NFILZ: variants seen among roughly 807,000 people sequenced by gnomAD.
NFILZ encodes the protein NFIL3 like protein.
At chr19:8,635,472 C>G (rs1393514372) in intron 2 of NFILZ, among the ~76,000 whole-genome samples, 178 bp from the exon 3 acceptor site, 1 of 152,062 alleles carries the variant, frequency 6.6e-6, no homozygotes, top group Non-Finnish European at 1.5e-5. Flanking sequence ...CTGCCTTTTC[C>G]CAGGATATTA....
chr19:8,662,961 T>A (rs1555749306), intron 3 of NFILZ, among the ~76,000 whole-genome samples: 1 of 150,524 alleles, frequency 6.6e-6, no homozygotes, highest in Non-Finnish European at 1.5e-5. Context: ...CTTTTTTTTT[T>A]TTAAGAGACA....
chr19:8,634,821 A>G (rs1414121479), intron 2 of NFILZ, among the ~76,000 whole-genome samples: 1 of 152,136 alleles, frequency 6.6e-6, no homozygotes, highest in Non-Finnish European at 1.5e-5. Flanking sequence ...TCGAGGCTGC[A>G]TCAAGCCAAG....
At chr19:8,642,953 CTTTT>C (rs35200818) in intron 3 of NFILZ, among the ~76,000 whole-genome samples, 1 of 139,358 alleles carries the variant, frequency 7.2e-6, no homozygotes, top group Non-Finnish European at 1.5e-5. Context: ...GATTTTGACT[CTTTT>C]TTTTTTTTTT....
At chr19:8,651,575 AG>A (rs1555747728) in intron 3 of NFILZ, among the ~76,000 whole-genome samples, 2 of 152,156 alleles carry the variant, frequency 1.3e-5, no homozygotes, top group African/African-American at 4.8e-5. Context: ...TCTGTTGCTC[AG>A]GCTGGAGTGC....
At position 8,656,306 on chromosome 19, in the gene NFILZ, C is replaced by CCCACCTTCTCTCTGA. The variant is rs2042995032; in HGVS notation, c.-163-18245_-163-18244insCCACCTTCTCTCTGA. Among the ~76,000 whole-genome samples, 76 of 34,232 alleles carry CCCACCTTCTCTCTGA rather than the reference C, an allele frequency of 2.2e-3. 4 individuals are homozygous for CCCACCTTCTCTCTGA. Among genetic ancestry groups the CCCACCTTCTCTCTGA allele is most frequent in the Admixed American group, 4.5e-3 (14 of 3,084 alleles). The allele number at this position is 34,232 out of a possible 152,430, so 22.5% of individuals were successfully genotyped here. The stretch of plus-strand genomic sequence containing the variant: ...TCTCCCCACAGCCCACCTCCTCCCG[C>CCCACCTTCTCTCTGA]AGCGCACCTCCTCCCTGAAGCCCCC... On this transcript the variant is annotated intron_variant, in intron 3 of 5. Coordinates refer to ENST00000691075, the MANE Select transcript of NFILZ (RefSeq NM_001378600.1).
At chr19:8,656,281 TCTCCCCACAGCCCACCTC>T (rs1348893445) in intron 3 of NFILZ, among the ~76,000 whole-genome samples, 2 of 53,488 alleles carry the variant, frequency 3.7e-5, no homozygotes, top group African/African-American at 1.1e-4. Flanking sequence ...AAGCCCACCT[TCTCCCCACAGCCCACCTC>T]CTCCCGCAGC....
At chr19:8,671,718 G>GC (rs2146171684) in intron 3 of NFILZ, among the ~76,000 whole-genome samples, 1 of 152,216 alleles carries the variant, frequency 6.6e-6, no homozygotes, top group Non-Finnish European at 1.5e-5. Flanking sequence ...CTAGATGCTG[G>GC]CCCCAGAGCT....
intron 3 of NFILZ, among the ~76,000 whole-genome samples, chr19:8,660,611 C>T (rs1600149980): frequency 7.6e-6 from 1 of 131,084 alleles, no homozygotes; most frequent in African/African-American, 2.9e-5. Flanking sequence ...CTCCTTCCTT[C>T]TCTCCTTCCC....
chr19:8,641,842 T>G (rs896042313), intron 3 of NFILZ, among the ~76,000 whole-genome samples: 2 of 147,166 alleles, frequency 1.4e-5, no homozygotes, highest in South Asian at 2.1e-4. Context: ...TTTTTTTTTT[T>G]AGAGAGAGCT....
At chr19:8,659,177 G>A (rs1555748778) in intron 3 of NFILZ, among the ~76,000 whole-genome samples, 1 of 151,376 alleles carries the variant, frequency 6.6e-6, no homozygotes, top group Non-Finnish European at 1.5e-5. Context: ...CACCTGAGAA[G>A]GCGGAGATGG....
rs74178118 is a variant in NFILZ, at chr19:8,680,708, C to T, written c.*3073C>T. The stretch of plus-strand genomic sequence containing the variant: ...GGCTTGGGAAAGGTAGGTGTGGGTG[C>T]GTTGTAATAATTGAAATAGGGAGAT... On this transcript the variant is annotated 3_prime_UTR_variant, in exon 6 of 6. Coordinates refer to ENST00000691075, the MANE Select transcript of NFILZ (RefSeq NM_001378600.1). Among the ~76,000 whole-genome samples the T allele has an allele frequency of 7.1e-3, 1,076 of 152,080 alleles. 8 individuals carry two copies. Among genetic ancestry groups the T allele is most frequent in the Non-Finnish European group, 0.012 (831 of 67,996 alleles).
At chr19:8,659,003 T>C (rs1274267432) in intron 3 of NFILZ, among the ~76,000 whole-genome samples, 4 of 151,684 alleles carry the variant, frequency 2.6e-5, no homozygotes, top group Non-Finnish European at 5.9e-5. Flanking sequence ...CCCAGAACTT[T>C]GGGAGGCCAA....
At chr19:8,652,062 T>A (rs2042966752) in intron 3 of NFILZ, among the ~76,000 whole-genome samples, 1 of 152,016 alleles carries the variant, frequency 6.6e-6, no homozygotes, top group Admixed American at 6.5e-5. Context: ...ACACAGAACT[T>A]GAATGACTTC....
chr19:8,658,908 C>A (rs1388839399), intron 3 of NFILZ, among the ~76,000 whole-genome samples: 1 of 152,024 alleles, frequency 6.6e-6, no homozygotes, highest in Non-Finnish European at 1.5e-5. Flanking sequence ...TATGATTGCA[C>A]CACTGCACTC....
intron 3 of NFILZ, among the ~76,000 whole-genome samples, chr19:8,637,930 AAAAAG>A (rs1568417303): frequency 8.0e-5 from 12 of 149,426 alleles, no homozygotes; most frequent in Admixed American, 6.7e-4. Context: ...AAAAAAAAAA[AAAAAG>A]AAAAGAACAG....
chr19:8,642,596 C>T (rs2042923605), intron 3 of NFILZ, among the ~76,000 whole-genome samples: 1 of 151,918 alleles, frequency 6.6e-6, no homozygotes, highest in African/African-American at 2.4e-5. Context: ...CTCATGAGTC[C>T]ATTAGCAGGC....
rs530217973 is a variant in NFILZ at position 8,675,971 on chromosome 19, A to T, written c.-113-388A>T. On this transcript the variant is annotated intron_variant, in intron 4 of 5. Coordinates refer to ENST00000691075, the MANE Select transcript of NFILZ (RefSeq NM_001378600.1). ...GCCTAGTAAAGGCACAATGTGATTT[A>T]AAAAAAATGAATCTCTCAGTGAATC... Among the ~76,000 whole-genome samples the T allele has an allele frequency of 3.5e-4, 54 of 152,204 alleles. 1 individual carries two copies. The highest frequency in any genetic ancestry group is 1.1e-3 in the African/African-American group (46 of 41,520).
chr19:8,647,582 C>CCG (rs2042944423), intron 3 of NFILZ, among the ~76,000 whole-genome samples: 1 of 147,978 alleles, frequency 6.8e-6, no homozygotes, highest in African/African-American at 2.5e-5. Context: ...CCGCACCCCC[C>CCG]CCCCCAAAAA....
At chr19:8,647,088 T>G (rs2042942094) in intron 3 of NFILZ, among the ~76,000 whole-genome samples, 2 of 152,188 alleles carry the variant, frequency 1.3e-5, no homozygotes, top group African/African-American at 4.8e-5. Context: ...AGGAGGCTAT[T>G]ATGTGGAACG....
Sources: gnomAD v4.1 joint callset for allele counts (sites outside exome capture counted in the v4.1 genomes callset) on GRCh38, gnomAD v4.1.1 for gene constraint, MANE v1.5 for transcripts, NCBI Gene and HGNC (gene_info 2026-07-23, HGNC 2026-07-21) for gene names.